The following SPECC1L variants were observed in gnomAD, a reference collection of about 807,000 sequenced individuals.
The protein encoded by SPECC1L is cytospin-A.
A neutral mutation model predicts 116.8 loss-of-function variants in SPECC1L; 40 were observed. The ratio of observed to expected loss-of-function variants is 0.34; its 90% CI spans 0.27 to 0.45. SPECC1L has a LOEUF of 0.45. Ranked by LOEUF, SPECC1L falls within the 20% of genes least tolerant of loss-of-function variation. The probability of loss-of-function intolerance (pLI) is 1.00; values close to 1 mark genes in which losing one functional copy is unlikely to be tolerated. For synonymous variants in SPECC1L, 504 were observed against 500.6 expected, an observed-to-expected ratio of 1.01 and a Z score of -0.09; for missense variants, 1,110 against 1,373.6, an observed-to-expected ratio of 0.81 and a Z score of 3.03.
At chr22:24,359,457 CT>C (rs1337477318) in intron 11 of SPECC1L, among the ~76,000 whole-genome samples, 1 of 152,138 alleles carries the variant, frequency 6.6e-6, no homozygotes, top group Non-Finnish European at 1.5e-5. Flanking sequence ...TCCTCCTCAC[CT>C]TTCTTACCTC....
chr22:24,273,564 T>C (rs2048772225), intron 1 of SPECC1L, among the ~76,000 whole-genome samples: 1 of 152,198 alleles, frequency 6.6e-6, no homozygotes, highest in African/African-American at 2.4e-5. Flanking sequence ...CTGCTGCTGT[T>C]AGGGAGTTCA....
At chr22:24,310,182 A>T (rs2040435397) in intron 3 of SPECC1L, among the ~76,000 whole-genome samples, 1 of 152,208 alleles carries the variant, frequency 6.6e-6, no homozygotes, top group African/African-American at 2.4e-5. Context: ...AATTGGTAGC[A>T]GTCTTTCTTA....
intron 14 of SPECC1L, among the ~76,000 whole-genome samples, chr22:24,395,559 T>G (rs2042351274): frequency 6.6e-6 from 1 of 152,232 alleles, no homozygotes; most frequent in Middle Eastern, 3.2e-3. Flanking sequence ...CAGATTTGTT[T>G]AAGAGACATT....
intron 14 of SPECC1L, among the ~76,000 whole-genome samples, chr22:24,396,657 G>T (rs1375947590): frequency 6.6e-6 from 1 of 152,062 alleles, no homozygotes; most frequent in East Asian, 1.9e-4. Flanking sequence ...TTAAAATTCT[G>T]CCATTTCCAG....
At chr22:24,296,158 C>G (rs1231798240) in intron 2 of SPECC1L, among the ~76,000 whole-genome samples, 1 of 152,168 alleles carries the variant, frequency 6.6e-6, no homozygotes, top group Non-Finnish European at 1.5e-5. Flanking sequence ...GGTTTGAATT[C>G]AGACCGTTGT....
At chr22:24,347,821 G>A (rs188965613) in intron 11 of SPECC1L, among the ~76,000 whole-genome samples, 2 of 152,114 alleles carry the variant, frequency 1.3e-5, no homozygotes, top group African/African-American at 2.4e-5. Flanking sequence ...GACTACAGGC[G>A]CACACCACCA....
At chr22:24,307,153 G>C (rs1030221677) in intron 3 of SPECC1L, among the ~76,000 whole-genome samples, 1 of 151,626 alleles carries the variant, frequency 6.6e-6, no homozygotes, top group South Asian at 2.1e-4. Context: ...TTTCAATTTT[G>C]GGGGGGGTAT....
intron 2 of SPECC1L, among the ~76,000 whole-genome samples, chr22:24,287,784 G>C (rs1203919955): frequency 2.6e-5 from 4 of 152,114 alleles, no homozygotes; most frequent in Non-Finnish European, 4.4e-5. Context: ...AATGAGTGTG[G>C]AATCCCTAGG....
intron 2 of SPECC1L, among the ~76,000 whole-genome samples, chr22:24,289,276 G>T (rs563202942): frequency 1.1e-4 from 17 of 152,320 alleles, no homozygotes; most frequent in African/African-American, 3.1e-4. Flanking sequence ...ATGTGTTTTG[G>T]ACTAAATCTG....
At chr22:24,303,410 T>C (rs1356768532) in intron 3 of SPECC1L, among the ~76,000 whole-genome samples, 7 of 152,206 alleles carry the variant, frequency 4.6e-5, no homozygotes, top group Non-Finnish European at 1.0e-4. Flanking sequence ...CAGCTTCCAT[T>C]GTCTCAGTGA....
intron 2 of SPECC1L, among the ~76,000 whole-genome samples, chr22:24,285,173 T>C (rs1477145998): frequency 6.6e-6 from 1 of 152,084 alleles, no homozygotes; most frequent in African/African-American, 2.4e-5. Context: ...GCCCTGGGGA[T>C]TGTAGTGGAA....
chr22:24,345,300 A>T (rs973219654), intron 10 of SPECC1L, among the ~76,000 whole-genome samples: 3 of 152,228 alleles, frequency 2.0e-5, no homozygotes, highest in African/African-American at 7.2e-5. Flanking sequence ...TATGAAATAC[A>T]CAAAATTTGA....
At chr22:24,302,489 G>A in intron 3 of SPECC1L, 105 bp downstream of exon 3, 3 of 1,451,702 alleles carry the variant, frequency 2.1e-6, no homozygotes, top group East Asian at 2.3e-5. Context: ...CCCTCTTCTG[G>A]TGCTGGGAAC....
chr22:24,321,841 A>G lies in SPECC1L; in HGVS notation c.861A>G (p.Lys287=), dbSNP rs773073150. The part of the protein sequence containing the change: ...SLEQRLDNSE[K]LFGYQSLSPE... Reference sequence around the variant, plus strand: ...AGCAGAGGTTAGACAATTCTGAAAAACTGTTTGGCTATCAGTCCCTGAGCC... The same window carrying G: ...AGCAGAGGTTAGACAATTCTGAAAAGCTGTTTGGCTATCAGTCCCTGAGCC... The change falls in exon 5 of 17, where the codon AAA becomes AAG. Residue 287 remains lysine, a synonymous_variant. Coordinates refer to ENST00000314328, the MANE Select transcript of SPECC1L (RefSeq NM_015330.6). 1 of 1,614,190 alleles carries G rather than the reference A, an allele frequency of 6.2e-7. No individual in the cohort carries two copies. Among genetic ancestry groups the G allele is most frequent in the Non-Finnish European group, 8.5e-7 (1 of 1,180,048 alleles).
chr22:24,371,729 TGATC>T (rs767899023), intron 14 of SPECC1L, among the ~76,000 whole-genome samples: 126 of 152,200 alleles, frequency 8.3e-4, no homozygotes, highest in Middle Eastern at 3.4e-3. Context: ...ATTGATTGAT[TGATC>T]GATTGAGAGA....
At chr22:24,346,678 T>C (rs1178669727) in intron 10 of SPECC1L, among the ~76,000 whole-genome samples, 2 of 152,126 alleles carry the variant, frequency 1.3e-5, no homozygotes, top group Non-Finnish European at 2.9e-5. Flanking sequence ...GGAAGGATCC[T>C]TATGGTGATG....
At chr22:24,378,428 G>C (rs1355127538) in intron 14 of SPECC1L, among the ~76,000 whole-genome samples, 2 of 152,218 alleles carry the variant, frequency 1.3e-5, no homozygotes, top group Admixed American at 6.5e-5. Flanking sequence ...TGTATATTCA[G>C]TGGTATAGCA....
chr22:24,315,856 G>A (rs996400591), intron 4 of SPECC1L, among the ~76,000 whole-genome samples: 3 of 152,090 alleles, frequency 2.0e-5, no homozygotes, highest in Admixed American at 1.3e-4. Context: ...TCTCTTTTTT[G>A]TCTTGCAGAT....
At chr22:24,392,757 T>C (rs934242710) in intron 14 of SPECC1L, among the ~76,000 whole-genome samples, 3 of 152,246 alleles carry the variant, frequency 2.0e-5, no homozygotes, top group Non-Finnish European at 4.4e-5. Flanking sequence ...CGTCTATTTA[T>C]ATCCTGAGTT....
Sources: gnomAD v4.1 joint callset for allele counts (sites outside exome capture counted in the v4.1 genomes callset) on GRCh38, gnomAD v4.1.1 for gene constraint, MANE v1.5 for transcripts, NCBI Gene and HGNC (gene_info 2026-07-23, HGNC 2026-07-21) for gene names.